Variants in ADCY9 observed in about 807,000 individuals in gnomAD.
ADCY9 encodes the protein adenylate cyclase 9.
In ADCY9, 50 loss-of-function variants were observed where a neutral mutation model predicts 101.5. That is an observed-to-expected ratio of 0.49 (90% CI 0.39 to 0.62). The LOEUF is 0.62. Ranked by LOEUF, ADCY9 falls within the 20% of genes least tolerant of loss-of-function variation. The probability of loss-of-function intolerance (pLI) is 0.00; values close to 1 mark genes in which losing one functional copy is unlikely to be tolerated. For missense variants in ADCY9, 1,662 were observed against 1,800.4 expected (o/e 0.92, Z 1.39); for synonymous variants, 905 against 769.3 (o/e 1.18, Z -2.92).
At chr16:4,004,228 A>C (rs1044477305) in intron 3 of ADCY9, among the ~76,000 whole-genome samples, 2 of 149,582 alleles carry the variant, frequency 1.3e-5, no homozygotes, top group Admixed American at 1.4e-4. Context: ...TAGCCTGGGC[A>C]ACAGAGCGAG....
chr16:4,108,958 G>A (rs2057096978), intron 2 of ADCY9, among the ~76,000 whole-genome samples: 1 of 151,636 alleles, frequency 6.6e-6, no homozygotes, highest in African/African-American at 2.4e-5. Flanking sequence ...CGCCTACCTC[G>A]GCCTCCCAAA....
In ADCY9 at chr16:3,966,100, G is replaced by A. The variant is rs147811130; in HGVS notation, c.3737C>T (p.Thr1246Met). The A allele has an allele frequency of 9.9e-6, 16 of 1,614,132 alleles. No individual in the cohort carries two copies. Among genetic ancestry groups the A allele is most frequent in the Admixed American group, 6.7e-5 (4 of 60,010 alleles). The change falls in exon 11 of 11, where the codon ACG (threonine) becomes ATG (methionine). Residue 1246 changes from threonine (T) to methionine (M), a missense_variant. Thr to Met is a moderately conservative substitution (Grantham distance 81). This residue lies in a region of ADCY9 where 168 missense variants were observed against 155.3 expected (regional missense o/e 1.08). Transcript: ENST00000294016. Reference protein sequence around the residue: ...QMKTYLYPKCTDHRVIPQHQL... With the variant: ...QMKTYLYPKCMDHRVIPQHQL... ...GTGCTGTGGGATGACCCTGTGATCC[G>A]TGCACTTTGGGTACAGGTAGGTCTT...
chr16:4,045,901 G>C (rs1026993658), intron 2 of ADCY9, among the ~76,000 whole-genome samples: 2 of 122,376 alleles, frequency 1.6e-5, no homozygotes, highest in African/African-American at 6.1e-5. Flanking sequence ...GTAGAGATGA[G>C]GTTTCATCAT....
chr16:4,088,315 A>G (rs906249153), intron 2 of ADCY9, among the ~76,000 whole-genome samples: 1 of 151,974 alleles, frequency 6.6e-6, no homozygotes, highest in Non-Finnish European at 1.5e-5. Context: ...TGTTTTAGAT[A>G]GGGTCTTGCT....
At chr16:4,109,149 C>T (rs898695076) in intron 2 of ADCY9, among the ~76,000 whole-genome samples, 1 of 152,064 alleles carries the variant, frequency 6.6e-6, no homozygotes, top group Non-Finnish European at 1.5e-5. Flanking sequence ...TATGTTTGTT[C>T]ACAAAACACT....
At chr16:4,103,209 T>C (rs1005217629) in intron 2 of ADCY9, among the ~76,000 whole-genome samples, 1 of 152,194 alleles carries the variant, frequency 6.6e-6, no homozygotes, top group Non-Finnish European at 1.5e-5. Flanking sequence ...AGAATGCGTG[T>C]TTGGGTGGCA....
At chr16:4,000,305 C>A (rs552234249) in intron 3 of ADCY9, among the ~76,000 whole-genome samples, 1 of 152,296 alleles carries the variant, frequency 6.6e-6, no homozygotes, top group South Asian at 2.1e-4. Context: ...CAGAGCCACA[C>A]GGTACGGTCG....
At chr16:4,045,325 G>A (rs933677892) in intron 2 of ADCY9, among the ~76,000 whole-genome samples, 12 of 151,990 alleles carry the variant, frequency 7.9e-5, no homozygotes, top group Non-Finnish European at 1.6e-4. Context: ...GGCTGGGCAC[G>A]GTGGTTCACG....
At chr16:4,043,242 A>C (rs1205695892) in intron 2 of ADCY9, among the ~76,000 whole-genome samples, 1 of 151,996 alleles carries the variant, frequency 6.6e-6, no homozygotes, top group Non-Finnish European at 1.5e-5. Flanking sequence ...AAAACAAACA[A>C]ACAAAAAATT....
intron 2 of ADCY9, among the ~76,000 whole-genome samples, chr16:4,113,041 A>G (rs555882300): frequency 3.9e-5 from 6 of 152,280 alleles, no homozygotes; most frequent in African/African-American, 1.2e-4. Flanking sequence ...TCCGGCAGGT[A>G]CGTTTCTCCC....
At chr16:4,024,746 A>C (rs2056502714) in intron 2 of ADCY9, among the ~76,000 whole-genome samples, 1 of 152,154 alleles carries the variant, frequency 6.6e-6, no homozygotes, top group South Asian at 2.1e-4. Context: ...AAAGGGAACA[A>C]GGACACTTCC....
At chr16:4,007,185 C>T (rs2056372269) in intron 3 of ADCY9, among the ~76,000 whole-genome samples, 183 bp downstream of exon 3, 1 of 152,076 alleles carries the variant, frequency 6.6e-6, no homozygotes, top group Non-Finnish European at 1.5e-5. Context: ...TGTCAAAAAG[C>T]AAGGATGTTA....
At chr16:3,960,989 G>GCCA (rs2055934534), downstream of ADCY9, among the ~76,000 whole-genome samples, 1 of 135,866 alleles carries the variant, frequency 7.4e-6, no homozygotes, top group African/African-American at 2.7e-5. Context: ...GGTGGCCACA[G>GCCA]CCATAGATTC....
chr16:4,064,804 A>C (rs1025424343), intron 2 of ADCY9, among the ~76,000 whole-genome samples: 1 of 148,416 alleles, frequency 6.7e-6, no homozygotes, highest in African/African-American at 2.5e-5. Flanking sequence ...GTTTGCTTAC[A>C]AAAAAAAAAG....
chr16:4,069,497 T>G (rs1476405852), intron 2 of ADCY9, among the ~76,000 whole-genome samples: 1 of 151,772 alleles, frequency 6.6e-6, no homozygotes, highest in Admixed American at 6.6e-5. Flanking sequence ...TCAACAAAGG[T>G]TGGAAGAACA....
chr16:4,017,931 C>T lies in ADCY9; in HGVS notation c.1694-10373G>A, dbSNP rs141635932. On this transcript the variant is annotated intron_variant, in intron 2 of 10. Coordinates refer to ENST00000294016, the MANE Select transcript of ADCY9 (RefSeq NM_001116.4). ...ACACTTCTCCTGCAGCAGGTGTAGC[C>T]CGCACAGCATGGTGAGCCCAGCCAC... Among the ~76,000 whole-genome samples, 48 of 152,340 alleles carry T rather than the reference C, an allele frequency of 3.2e-4. No homozygotes were observed. In the Middle Eastern group the frequency reaches 0.01, roughly 32 times the overall value.
At chr16:3,971,601 T>C (rs907534278) in intron 10 of ADCY9, among the ~76,000 whole-genome samples, 1 of 152,178 alleles carries the variant, frequency 6.6e-6, no homozygotes, top group Non-Finnish European at 1.5e-5. Context: ...CATATTTCTG[T>C]CCAGCTCCAT....
intron 2 of ADCY9, among the ~76,000 whole-genome samples, chr16:4,068,492 C>T (rs1434632800): frequency 1.3e-5 from 2 of 152,066 alleles, no homozygotes; most frequent in Admixed American, 6.6e-5. Flanking sequence ...TCATGTTTTA[C>T]ATATGGTACA....
chr16:3,964,315 A>C lies in ADCY9; in HGVS notation c.*1460T>G, dbSNP rs2055967934. The C allele has an allele frequency of 6.6e-6, 1 of 152,348 alleles. No homozygotes were observed. Among genetic ancestry groups the C allele is most frequent in the Admixed American group, 6.5e-5 (1 of 15,278 alleles). The allele number at this position is 152,348 out of a possible 1,614,324, so 9.4% of individuals were successfully genotyped here. On this transcript the variant is annotated 3_prime_UTR_variant, in exon 11 of 11. Coordinates refer to ENST00000294016, the MANE Select transcript of ADCY9 (RefSeq NM_001116.4). ...AACTCGGGCGAGCTCACTTCCACAC[A>C]AACTTCAGACTCAATATGGCAAAAC...
Sources: gnomAD v4.1 joint callset for allele counts (sites outside exome capture counted in the v4.1 genomes callset) on GRCh38, gnomAD v4.1.1 for gene constraint, gnomAD v4.1.1 regional missense constraint, MANE v1.5 for transcripts, NCBI Gene and HGNC (gene_info 2026-07-23, HGNC 2026-07-21) for gene names.